CLASP2: variants seen among roughly 807,000 people sequenced by gnomAD.
The protein encoded by CLASP2 is CLIP-associating protein 2.
Under a neutral mutation model 194.4 loss-of-function variants are expected in CLASP2, and 47 were observed. That is an observed-to-expected ratio of 0.24 (90% CI 0.19 to 0.31). The LOEUF (loss-of-function observed/expected upper bound fraction) is 0.31, where lower values mean the gene tolerates loss of function less well. CLASP2 is among the 10% of genes least tolerant of loss of function. The probability of loss-of-function intolerance (pLI) is 1.00; values close to 1 mark genes in which losing one functional copy is unlikely to be tolerated. For synonymous variants in CLASP2, 619 were observed against 633.5 expected, an observed-to-expected ratio of 0.98 and a Z score of 0.34; for missense variants, 1,445 against 1,823.6, an observed-to-expected ratio of 0.79 and a Z score of 3.78.
chr3:33,548,770 T>TC (rs2059558376), intron 30 of CLASP2, among the ~76,000 whole-genome samples: 1 of 142,920 alleles, frequency 7.0e-6, no homozygotes, highest in Non-Finnish European at 1.5e-5. Flanking sequence ...TTTCTTTTTT[T>TC]TTTTTTTTTT....
Position 33,502,122 on chromosome 3 carries a change from C to T in CLASP2, c.4318-354G>A, listed in dbSNP as rs114140352. 6.4e-3 allele frequency: 1,100 copies of T among 172,622 alleles called. 7 individuals carry two copies. Among genetic ancestry groups the T allele is most frequent in the Non-Finnish European group, 0.01 (838 of 81,398 alleles). The allele number at this position is 172,622 out of a possible 1,614,324, so 10.7% of individuals were successfully genotyped here. ...AAGGCAGTCAGCACTCCTCACTATC[C>T]GATAAAACCTAAATTCATTGGTTTG... On this transcript the variant is annotated intron_variant, in intron 37 of 38. Transcript: ENST00000682230.
At chr3:33,651,788 T>G (rs1460111879) in intron 7 of CLASP2, among the ~76,000 whole-genome samples, 1 of 151,746 alleles carries the variant, frequency 6.6e-6, no homozygotes, top group Non-Finnish European at 1.5e-5. Context: ...GCCTCCTAAG[T>G]AGCTGGGATT....
chr3:33,618,960 A>C (rs1208106927), intron 12 of CLASP2, among the ~76,000 whole-genome samples: 1 of 152,200 alleles, frequency 6.6e-6, no homozygotes, highest in Non-Finnish European at 1.5e-5. Flanking sequence ...AACATCATAG[A>C]GTGTACTTGC....
intron 29 of CLASP2, among the ~76,000 whole-genome samples, chr3:33,555,768 A>G (rs754794554): frequency 1.4e-4 from 21 of 152,226 alleles, no homozygotes; most frequent in Non-Finnish European, 2.9e-4. Flanking sequence ...TATTTTGTTT[A>G]TAATTTGCCA....
At chr3:33,685,432 C>T (rs1408578361) in intron 5 of CLASP2, among the ~76,000 whole-genome samples, 2 of 149,648 alleles carry the variant, frequency 1.3e-5, no homozygotes, top group South Asian at 2.1e-4. Context: ...ATTATGATCA[C>T]GGTTAATGTA....
intron 6 of CLASP2, among the ~76,000 whole-genome samples, chr3:33,680,760 G>A (rs534044920): frequency 2.0e-5 from 3 of 152,210 alleles, no homozygotes; most frequent in South Asian, 2.1e-4. Context: ...GCAGTGAACC[G>A]TGGTCACGCC....
chr3:33,535,367 T>C lies in CLASP2; in HGVS notation c.3653A>G (p.His1218Arg), dbSNP rs771073324. Reference sequence around the variant, plus strand: ...TGGAGAGGAGTGAGTAGGCATTGAATGGAGCAATGAAGCTTTATTATCAAG... The same window carrying C: ...TGGAGAGGAGTGAGTAGGCATTGAACGGAGCAATGAAGCTTTATTATCAAG... Reference protein sequence around the residue: ...TALDNKASLLHSMPTHSSPRS... With the variant: ...TALDNKASLLRSMPTHSSPRS... The change falls in exon 34 of 39, where the codon CAT (histidine) becomes CGT (arginine). Residue 1218 changes from histidine (H) to arginine (R), a missense_variant. Coordinates refer to ENST00000682230, the MANE Select transcript of CLASP2 (RefSeq NM_001365631.1). 6.2e-7 allele frequency: 1 copy of C among 1,613,934 alleles called. No individual in the cohort carries two copies. The highest frequency in any genetic ancestry group is 8.5e-7 in the Non-Finnish European group (1 of 1,179,854).
intron 24 of CLASP2, among the ~76,000 whole-genome samples, chr3:33,575,107 T>C (rs2064563792): frequency 6.6e-6 from 1 of 152,044 alleles, no homozygotes. Context: ...GAATAGCAAA[T>C]CAAAAACATC....
chr3:33,590,767 C>G (rs113751247), intron 21 of CLASP2, among the ~76,000 whole-genome samples: 34 of 152,238 alleles, frequency 2.2e-4, no homozygotes, highest in African/African-American at 8.2e-4. Flanking sequence ...CCTCAATGCC[C>G]CATTCTCTTT....
chr3:33,702,563 A>C (rs1297494525), intron 1 of CLASP2, among the ~76,000 whole-genome samples: 4 of 152,158 alleles, frequency 2.6e-5, no homozygotes, highest in African/African-American at 9.7e-5. Context: ...CTTAGACAGG[A>C]CATAAAAAGC....
chr3:33,629,584 A>C (rs1017864895), intron 9 of CLASP2, among the ~76,000 whole-genome samples: 1 of 152,192 alleles, frequency 6.6e-6, no homozygotes, highest in Admixed American at 6.5e-5. Context: ...TATTAAGCAG[A>C]GAAATAACTG....
At chr3:33,570,642 A>T in intron 26 of CLASP2, 85 bp downstream of exon 26, 1 of 1,500,506 alleles carries the variant, frequency 6.7e-7, no homozygotes, top group Non-Finnish European at 9.1e-7. Context: ...GGACAATAAA[A>T]TAAAAATGGC....
chr3:33,616,914 A>G (rs1198543296), intron 12 of CLASP2, among the ~76,000 whole-genome samples: 1 of 151,056 alleles, frequency 6.6e-6, no homozygotes, highest in Non-Finnish European at 1.5e-5. Context: ...ATTTTTTTGT[A>G]TTTTTAGTAG....
intron 18 of CLASP2, among the ~76,000 whole-genome samples, chr3:33,597,969 T>C (rs1669569612): frequency 6.6e-6 from 1 of 151,968 alleles, no homozygotes; most frequent in African/African-American, 2.4e-5. Flanking sequence ...GCCAGGCTGA[T>C]CTCAAACTCC....
At chr3:33,711,835 A>G (rs2093028339) in intron 1 of CLASP2, among the ~76,000 whole-genome samples, 1 of 152,164 alleles carries the variant, frequency 6.6e-6, no homozygotes, top group South Asian at 2.1e-4. Context: ...ATACCACCTT[A>G]CCCCTGCAAG....
At chr3:33,686,253 C>T (rs2090653748) in intron 5 of CLASP2, among the ~76,000 whole-genome samples, 1 of 152,208 alleles carries the variant, frequency 6.6e-6, no homozygotes, top group Admixed American at 6.5e-5. Context: ...GGGACATGAA[C>T]CAGAACACAT....
intron 14 of CLASP2, 82 bp from the exon 15 acceptor site, chr3:33,607,543 T>C: frequency 1.2e-6 from 1 of 840,220 alleles, no homozygotes; most frequent in Non-Finnish European, 1.8e-6. Context: ...ATATGTTACA[T>C]ATTAATCACA....
chr3:33,689,598 T>C (rs904851016), intron 3 of CLASP2: 1 of 375,636 alleles, frequency 2.7e-6, no homozygotes, highest in Non-Finnish European at 4.8e-6. Flanking sequence ...TACTGTCAAA[T>C]CACTGAAATC....
intron 34 of CLASP2, among the ~76,000 whole-genome samples, chr3:33,517,518 A>G (rs2051668183): frequency 6.6e-6 from 1 of 151,948 alleles, no homozygotes; most frequent in South Asian, 2.1e-4. Flanking sequence ...AATCCCATAT[A>G]TGTCATTTCC....
Sources: allele counts gnomAD v4.1 joint callset (sites outside exome capture counted in the v4.1 genomes callset), GRCh38; gene constraint gnomAD v4.1.1; transcripts MANE v1.5; gene names NCBI Gene and HGNC (gene_info 2026-07-23, HGNC 2026-07-21).